The following PGCKA1 variants were observed in gnomAD, a reference collection of about 807,000 sequenced individuals.
PGCKA1 encodes PDCD10 and GCKIII kinases-associated protein 1.
chr4:37,552,436 A>T, the PGCKA1 span, among the ~76,000 whole-genome samples: 22 of 152,320 alleles, frequency 1.4e-4, no homozygotes, highest in South Asian at 4.6e-3. Flanking sequence ...TCAGTGTCTG[A>T]GAGGTTTTGC....
At chr4:37,486,214 AGCCTCT>A in the PGCKA1 span, among the ~76,000 whole-genome samples, 5 of 152,162 alleles carry the variant, frequency 3.3e-5, no homozygotes, top group African/African-American at 1.2e-4. Context: ...TGAAATTCAA[AGCCTCT>A]AACTCCTACT....
At chr4:37,490,901 T>TTAG in the PGCKA1 span, among the ~76,000 whole-genome samples, 1 of 152,174 alleles carries the variant, frequency 6.6e-6, no homozygotes, top group East Asian at 1.9e-4. Context: ...ACATTAGAAA[T>TTAG]TAGTACAATT....
chr4:37,560,463 G>A, the PGCKA1 span, among the ~76,000 whole-genome samples: 1 of 152,204 alleles, frequency 6.6e-6, no homozygotes, highest in South Asian at 2.1e-4. Context: ...ACTGCTGGGA[G>A]AGGGAAAGAA....
At chr4:37,531,667 C>T in the PGCKA1 span, among the ~76,000 whole-genome samples, 5 of 151,140 alleles carry the variant, frequency 3.3e-5, no homozygotes, top group African/African-American at 4.8e-5. Flanking sequence ...CCGAGGCGGG[C>T]GGATCACGAG....
At chr4:37,464,097 C>T in the PGCKA1 span, among the ~76,000 whole-genome samples, 1 of 152,166 alleles carries the variant, frequency 6.6e-6, no homozygotes, top group Non-Finnish European at 1.5e-5. Context: ...TCAGTACTCA[C>T]CTCTGCAGGT....
the PGCKA1 span, among the ~76,000 whole-genome samples, chr4:37,469,439 G>A: frequency 0.42 from 63,474 of 152,018 alleles, 13,747 homozygotes; most frequent in East Asian, 0.56. Context: ...AGTAGTCAAG[G>A]AGAGAAAGCG....
At chr4:37,469,869 A>T in the PGCKA1 span, among the ~76,000 whole-genome samples, 1 of 152,196 alleles carries the variant, frequency 6.6e-6, no homozygotes. Context: ...TGACCCTTCC[A>T]TATCTGCACA....
chr4:37,562,652 C>G, the PGCKA1 span, among the ~76,000 whole-genome samples: 2 of 152,194 alleles, frequency 1.3e-5, no homozygotes, highest in Admixed American at 6.5e-5. Context: ...TGCCCACAAG[C>G]CTTTTCTAAT....
At chr4:37,557,287 C>T in the PGCKA1 span, among the ~76,000 whole-genome samples, 1,964 of 152,036 alleles carry the variant, frequency 0.013, 112 homozygotes, top group East Asian at 0.14. Context: ...TGGGATTTTT[C>T]GCTTAGTCAA....
the PGCKA1 span, among the ~76,000 whole-genome samples, chr4:37,559,822 T>C: frequency 6.6e-6 from 1 of 152,184 alleles, no homozygotes; most frequent in Non-Finnish European, 1.5e-5. Flanking sequence ...TATAATCTTC[T>C]ATATATTTTT....
chr4:37,574,575 C>T, the PGCKA1 span, among the ~76,000 whole-genome samples: 1 of 152,214 alleles, frequency 6.6e-6, no homozygotes, highest in East Asian at 1.9e-4. Context: ...TACACATTGC[C>T]TCAAGCATTT....
At chr4:37,538,173 T>C in the PGCKA1 span, among the ~76,000 whole-genome samples, 2 of 151,876 alleles carry the variant, frequency 1.3e-5, no homozygotes, top group African/African-American at 4.8e-5. Flanking sequence ...CAGTGAAGAG[T>C]CTTATGGTTA....
the PGCKA1 span, among the ~76,000 whole-genome samples, chr4:37,538,982 G>T: frequency 1.3e-5 from 2 of 152,288 alleles, no homozygotes; most frequent in South Asian, 2.1e-4. Context: ...CTGTAGGGTA[G>T]ATGCATGTCG....
At chr4:37,469,878 C>G in the PGCKA1 span, among the ~76,000 whole-genome samples, 2 of 152,200 alleles carry the variant, frequency 1.3e-5, no homozygotes, top group African/African-American at 4.8e-5. Context: ...CATATCTGCA[C>G]ACAGACCCAT....
chr4:37,572,048 C>CTTTTTTTT, the PGCKA1 span, among the ~76,000 whole-genome samples: 3 of 111,666 alleles, frequency 2.7e-5, no homozygotes, highest in Non-Finnish European at 5.5e-5. Flanking sequence ...AACTTCACAC[C>CTTTTTTTT]TTTTTTTTTT....
chr4:37,507,273 G>A, the PGCKA1 span, among the ~76,000 whole-genome samples: 104 of 152,068 alleles, frequency 6.8e-4, 5 homozygotes, highest in South Asian at 0.019. Context: ...TTAGTTCATT[G>A]ATATCCAATG....
the PGCKA1 span, among the ~76,000 whole-genome samples, chr4:37,475,387 C>T: frequency 2.2e-3 from 341 of 152,218 alleles, 1 homozygote; most frequent in Middle Eastern, 0.01. Flanking sequence ...ACCCCATCAC[C>T]ATGAAGAATA....
At chr4:37,545,337 C>G in the PGCKA1 span, among the ~76,000 whole-genome samples, 11 of 152,170 alleles carry the variant, frequency 7.2e-5, no homozygotes, top group Non-Finnish European at 8.8e-5. Context: ...TGTGTGTCCT[C>G]TACTGTTGTT....
chr4:37,578,054 A>G, the PGCKA1 span, among the ~76,000 whole-genome samples: 2 of 152,214 alleles, frequency 1.3e-5, no homozygotes, highest in African/African-American at 2.4e-5. Flanking sequence ...GTAAATATCT[A>G]TTAGGTCCGT....
Sources: gnomAD v4.1 joint callset for allele counts (sites outside exome capture counted in the v4.1 genomes callset) on GRCh38, gnomAD v4.1.1 for gene constraint, MANE v1.5 for transcripts, NCBI Gene and HGNC (gene_info 2026-07-23, HGNC 2026-07-21) for gene names.